Variants in NTM observed in about 807,000 individuals in gnomAD.
NTM encodes IgLON family member 2.
NTM carries 13 observed loss-of-function variants against 42.1 expected under a neutral mutation model. That is an observed-to-expected ratio of 0.31 (90% CI 0.20 to 0.49). NTM has a LOEUF of 0.49. Among genes scored for constraint, NTM ranks in the 20% least tolerant of loss-of-function variants. NTM has a pLI of 0.99. For missense variants in NTM, 373 were observed against 452.8 expected, an observed-to-expected ratio of 0.82 and a Z score of 1.60; for synonymous variants, 187 against 179.2, an observed-to-expected ratio of 1.04 and a Z score of -0.35.
chr11:132,320,913 C>A (rs1166322793), intron 7 of NTM, among the ~76,000 whole-genome samples: 2 of 151,342 alleles, frequency 1.3e-5, no homozygotes, highest in Non-Finnish European at 2.9e-5. Flanking sequence ...CCAGCAGGGC[C>A]ACACTGACAC....
intron 2 of NTM, among the ~76,000 whole-genome samples, chr11:131,930,718 C>A (rs780973201): frequency 6.6e-6 from 1 of 152,116 alleles, no homozygotes; most frequent in Non-Finnish European, 1.5e-5. Context: ...AGACTTTTAC[C>A]AAATATATAA....
At chr11:131,979,148 G>T (rs941512454) in intron 2 of NTM, among the ~76,000 whole-genome samples, 5 of 152,152 alleles carry the variant, frequency 3.3e-5, no homozygotes, top group African/African-American at 1.2e-4. Flanking sequence ...ATGTCTGTGG[G>T]CAGGGAGCAG....
intron 2 of NTM, among the ~76,000 whole-genome samples, chr11:132,035,688 G>T (rs2076427547): frequency 6.6e-6 from 1 of 152,060 alleles, no homozygotes; most frequent in Admixed American, 6.6e-5. Flanking sequence ...CCATGTACAT[G>T]TGTAATGTTC....
In NTM at chr11:131,916,748, G is replaced by A. The variant is rs556837523; in HGVS notation, c.167+5100G>A. On this transcript the variant is annotated intron_variant, in intron 2 of 8. Transcript: ENST00000683400. ...CTCCTCCAGGCTTGCCTCCTAATCC[G>A]CAGCACATGGCTTGGCCTGTGGAAT... Among the ~76,000 whole-genome samples the A allele has an allele frequency of 3.5e-4, 54 of 152,254 alleles. 2 individuals are homozygous for A. In the South Asian group the frequency reaches 9.5e-3, roughly 27 times the overall value.
At chr11:131,993,199 A>C (rs961890805) in intron 2 of NTM, among the ~76,000 whole-genome samples, 4 of 152,146 alleles carry the variant, frequency 2.6e-5, no homozygotes, top group African/African-American at 9.7e-5. Flanking sequence ...ATAGTTTGGG[A>C]GAGAGAGGCT....
intron 3 of NTM, among the ~76,000 whole-genome samples, chr11:132,185,079 G>A (rs7119166): frequency 0.67 from 102,229 of 152,072 alleles, 34,726 homozygotes; most frequent in Middle Eastern, 0.78. Context: ...TGAAATTGTC[G>A]TATCTAGGCT....
rs1484659137 is a variant in NTM at position 131,814,320 on chromosome 11, C to A, written c.83-97244C>A. On this transcript the variant is annotated intron_variant, in intron 1 of 8. Transcript: ENST00000683400. ...GCCTAGTTTACTTCCCCTTCCAGAT[C>A]ATTAACAAAGCGGCTCTGAAAGCCC... Among the ~76,000 whole-genome samples, 5 of 152,090 alleles carry A rather than the reference C, an allele frequency of 3.3e-5. 1 individual carries two copies. The highest frequency in any genetic ancestry group is 5.9e-5 in the Non-Finnish European group (4 of 68,022).
At chr11:132,257,462 C>G (rs925523096) in intron 4 of NTM, among the ~76,000 whole-genome samples, 1 of 152,124 alleles carries the variant, frequency 6.6e-6, no homozygotes, top group Non-Finnish European at 1.5e-5. Context: ...CAGGTAAGAG[C>G]TAACGGCATC....
chr11:131,841,537 A>C (rs2044240493), intron 1 of NTM, among the ~76,000 whole-genome samples: 1 of 152,210 alleles, frequency 6.6e-6, no homozygotes, highest in East Asian at 1.9e-4. Context: ...CAAACTAATA[A>C]GTCACATTTT....
chr11:131,524,412 C>T (rs1236302268), intron 1 of NTM, among the ~76,000 whole-genome samples: 1 of 152,194 alleles, frequency 6.6e-6, no homozygotes, highest in Non-Finnish European at 1.5e-5. Context: ...TAGCAAGGCA[C>T]CAAGCCCAGC....
chr11:131,515,197 G>A (rs1000483682), intron 1 of NTM, among the ~76,000 whole-genome samples: 4 of 152,180 alleles, frequency 2.6e-5, no homozygotes, highest in Admixed American at 6.5e-5. Context: ...TTATAGGCAT[G>A]AGCCACTGCA....
intron 2 of NTM, among the ~76,000 whole-genome samples, chr11:131,958,279 G>A (rs1179697510): frequency 2.0e-5 from 3 of 152,076 alleles, no homozygotes; most frequent in African/African-American, 4.8e-5. Context: ...GGGAGTGATG[G>A]GGCAGGGGTA....
chr11:131,519,251 G>A (rs1021311369), intron 1 of NTM, among the ~76,000 whole-genome samples: 1 of 152,234 alleles, frequency 6.6e-6, no homozygotes, highest in Non-Finnish European at 1.5e-5. Context: ...CTGGGACCTA[G>A]AACCTGCTTG....
intron 3 of NTM, among the ~76,000 whole-genome samples, chr11:132,171,842 A>T (rs1462362652): frequency 6.6e-6 from 1 of 152,204 alleles, no homozygotes; most frequent in African/African-American, 2.4e-5. Flanking sequence ...TGCAGGGGAT[A>T]CCTCTGACTG....
rs148123668 is a variant in NTM at position 132,082,499 on chromosome 11, A to G, written c.168-63783A>G. Among the ~76,000 whole-genome samples, 399 of 152,260 alleles carry G rather than the reference A, an allele frequency of 2.6e-3. 6 individuals carry two copies. The highest frequency in any genetic ancestry group is 9.0e-3 in the African/African-American group (372 of 41,552). Reference sequence around the variant, plus strand: ...TACTCCATATTGATTTATTTTCCTTACTGGGCATGTGTTAAGGGACAGAAT... The same window carrying G: ...TACTCCATATTGATTTATTTTCCTTGCTGGGCATGTGTTAAGGGACAGAAT... On this transcript the variant is annotated intron_variant, in intron 2 of 8. Coordinates refer to ENST00000683400, the MANE Select transcript of NTM (RefSeq NM_001352005.2).
intron 1 of NTM, among the ~76,000 whole-genome samples, chr11:131,476,464 G>T (rs1426323369): frequency 6.6e-6 from 1 of 152,182 alleles, no homozygotes; most frequent in Non-Finnish European, 1.5e-5. Flanking sequence ...TGTCTGGAAG[G>T]GGGAAGAGAG....
intron 4 of NTM, among the ~76,000 whole-genome samples, chr11:132,241,242 G>T (rs975439542): frequency 1.3e-5 from 2 of 152,074 alleles, no homozygotes; most frequent in Non-Finnish European, 2.9e-5. Flanking sequence ...GAAAAATTAA[G>T]AAATTTGCCT....
At chr11:131,797,337 G>C (rs530016615) in intron 1 of NTM, among the ~76,000 whole-genome samples, 13 of 152,314 alleles carry the variant, frequency 8.5e-5, no homozygotes, top group East Asian at 3.9e-4. Context: ...ACTCTGTAAG[G>C]GGGGGCAGGA....
At chr11:131,980,214 C>A (rs34167030) in intron 2 of NTM, among the ~76,000 whole-genome samples, 2 of 152,056 alleles carry the variant, frequency 1.3e-5, no homozygotes, top group African/African-American at 4.8e-5. Context: ...TCATTTTTCC[C>A]GGATTGGTAG....
Sources: gnomAD v4.1 joint callset for allele counts (sites outside exome capture counted in the v4.1 genomes callset) on GRCh38, gnomAD v4.1.1 for gene constraint, MANE v1.5 for transcripts, NCBI Gene and HGNC (gene_info 2026-07-23, HGNC 2026-07-21) for gene names.